The following HPSE2 variants were observed in gnomAD, a reference collection of about 807,000 sequenced individuals.
HPSE2 encodes the protein inactive heparanase-2.
A neutral mutation model predicts 60.5 loss-of-function variants in HPSE2; 38 were observed. The observed-to-expected ratio is 0.63, with a 90% CI of 0.48 to 0.82. HPSE2 has a LOEUF of 0.82. HPSE2 is among the 40% of genes least tolerant of loss of function. HPSE2 has a pLI of 0.00. For synonymous variants in HPSE2, 295 were observed against 293.2 expected (o/e 1.01, Z -0.06); for missense variants, 713 against 740.4 (o/e 0.96, Z 0.43).
intron 3 of HPSE2, among the ~76,000 whole-genome samples, chr10:99,070,242 A>C (rs1842742817): frequency 6.6e-6 from 1 of 152,232 alleles, no homozygotes. Flanking sequence ...TTGGATCTAC[A>C]ATATGAAGAA....
rs530037883 is a variant in HPSE2 at position 98,642,352 on chromosome 10, T to C, written c.1005-412A>G. Reference sequence around the variant, plus strand: ...AGAGGTTTGAAAGAATACTCAATCATTTTAATAAATTTTTCCATATCTTTA... The same window carrying C: ...AGAGGTTTGAAAGAATACTCAATCACTTTAATAAATTTTTCCATATCTTTA... On this transcript the variant is annotated intron_variant, in intron 6 of 11. Transcript: ENST00000370552. Among the ~76,000 whole-genome samples, 4 of 152,308 alleles carry C rather than the reference T, an allele frequency of 2.6e-5. No individual in the cohort carries two copies. The South Asian group carries it at 8.3e-4, about 32-fold the overall frequency.
chr10:98,906,936 A>G (rs891758005), intron 3 of HPSE2, among the ~76,000 whole-genome samples: 1 of 152,102 alleles, frequency 6.6e-6, no homozygotes, highest in African/African-American at 2.4e-5. Flanking sequence ...TAGTAGACCA[A>G]CTTAGTAATG....
At position 98,929,509 on chromosome 10, in the gene HPSE2, A is replaced by C. The variant is rs543859463; in HGVS notation, c.611-185453T>G. On this transcript the variant is annotated intron_variant, in intron 3 of 11. Coordinates refer to ENST00000370552, the MANE Select transcript of HPSE2 (RefSeq NM_021828.5). The stretch of plus-strand genomic sequence containing the variant: ...AGCTATCTTCATATTGAACAACGAG[A>C]AGATAAGCCCAGTTTTGTAAAGAAG... 4.4e-4 allele frequency among the ~76,000 whole-genome samples: 63 copies of C among 144,134 alleles called. 6 individuals carry two copies. The highest frequency in any genetic ancestry group is 7.4e-4 in the Non-Finnish European group (50 of 67,216). The allele number at this position is 144,134 out of a possible 152,430, so 94.6% of individuals were successfully genotyped here.
intron 3 of HPSE2, among the ~76,000 whole-genome samples, chr10:99,115,476 G>T (rs966386450): frequency 8.0e-5 from 12 of 150,020 alleles, no homozygotes; most frequent in Middle Eastern, 3.4e-3. Flanking sequence ...TTTATTTTTT[G>T]TAGAGACAGG....
chr10:99,083,809 A>G (rs971055316), intron 3 of HPSE2, among the ~76,000 whole-genome samples: 1 of 152,126 alleles, frequency 6.6e-6, no homozygotes, highest in Admixed American at 6.5e-5. Context: ...TTTGGTGCCA[A>G]TAACAGAAAA....
chr10:99,154,019 A>G (rs1429014487), intron 2 of HPSE2, among the ~76,000 whole-genome samples: 2 of 152,134 alleles, frequency 1.3e-5, no homozygotes, highest in African/African-American at 2.4e-5. Flanking sequence ...AAGATGAAAT[A>G]AATGAAATGA....
chr10:98,736,406 T>C (rs908424546), intron 4 of HPSE2, among the ~76,000 whole-genome samples: 1 of 152,136 alleles, frequency 6.6e-6, no homozygotes, highest in African/African-American at 2.4e-5. Flanking sequence ...GTCCCACAAA[T>C]GTTTTCTGTA....
Position 99,214,845 on chromosome 10 carries a change from C to T in HPSE2, c.448+17503G>A, listed in dbSNP as rs951029059. 5.1e-4 allele frequency among the ~76,000 whole-genome samples: 77 copies of T among 152,092 alleles called. 5 individuals carry two copies. Among genetic ancestry groups the T allele is most frequent in the Non-Finnish European group, 1.5e-5 (1 of 68,022 alleles). ...AAAAAACATATGATAAAAAGTTCAA[C>T]ATCACTGATCATTAGAGAAATGCAA... On this transcript the variant is annotated intron_variant, in intron 2 of 11. Transcript: ENST00000370552.
At chr10:98,798,867 A>G (rs575323025) in intron 3 of HPSE2, among the ~76,000 whole-genome samples, 2 of 152,316 alleles carry the variant, frequency 1.3e-5, no homozygotes, top group South Asian at 4.1e-4. Context: ...AAAAATGGCA[A>G]GAGTAAGTCT....
chr10:99,152,638 T>G (rs1235119884), intron 2 of HPSE2, among the ~76,000 whole-genome samples: 2 of 152,244 alleles, frequency 1.3e-5, no homozygotes, highest in African/African-American at 4.8e-5. Context: ...AAAGTTGTTG[T>G]AATTTATAAA....
chr10:98,603,926 G>T (rs1359395260), intron 9 of HPSE2, among the ~76,000 whole-genome samples: 1 of 152,112 alleles, frequency 6.6e-6, no homozygotes, highest in Non-Finnish European at 1.5e-5. Flanking sequence ...AAAGAGGGAA[G>T]AAAAATACTG....
the HPSE2 span, among the ~76,000 whole-genome samples, chr10:99,312,950 G>A: frequency 6.6e-6 from 1 of 152,162 alleles, no homozygotes. Context: ...CCTTGGTGCT[G>A]TTCTCATGAT....
chr10:98,777,160 C>T (rs375553824), intron 3 of HPSE2, among the ~76,000 whole-genome samples: 1 of 152,002 alleles, frequency 6.6e-6, no homozygotes, highest in Non-Finnish European at 1.5e-5. Flanking sequence ...CTTGAAGTTC[C>T]GGGAGATTAA....
chr10:98,887,986 T>C (rs1953216764), intron 3 of HPSE2, among the ~76,000 whole-genome samples: 1 of 151,820 alleles, frequency 6.6e-6, no homozygotes, highest in Admixed American at 6.6e-5. Flanking sequence ...CTACTATTAA[T>C]ATTTGATAGC....
intron 4 of HPSE2, among the ~76,000 whole-genome samples, chr10:98,731,038 A>G (rs1391652830): frequency 6.6e-6 from 1 of 152,154 alleles, no homozygotes; most frequent in South Asian, 2.1e-4. Flanking sequence ...TAATCCCAAC[A>G]CTTTGGGAGG....
the HPSE2 span, among the ~76,000 whole-genome samples, chr10:99,254,870 T>C: frequency 6.6e-6 from 1 of 152,078 alleles, no homozygotes; most frequent in Non-Finnish European, 1.5e-5. Context: ...CAGGCAAACA[T>C]ATAGAAACAA....
intron 3 of HPSE2, among the ~76,000 whole-genome samples, chr10:98,975,902 A>G (rs995819805): frequency 1.3e-5 from 2 of 152,186 alleles, no homozygotes; most frequent in Non-Finnish European, 2.9e-5. Context: ...CTTATAATTA[A>G]TTCATTTTAG....
chr10:98,992,332 A>G (rs533866890), intron 3 of HPSE2, among the ~76,000 whole-genome samples: 1 of 152,288 alleles, frequency 6.6e-6, no homozygotes, highest in African/African-American at 2.4e-5. Context: ...GGTTTTTAAT[A>G]GAATTTCTTA....
intron 7 of HPSE2, among the ~76,000 whole-genome samples, chr10:98,628,801 T>C (rs1946284414): frequency 6.6e-6 from 1 of 151,936 alleles, no homozygotes; most frequent in South Asian, 2.1e-4. Context: ...GAGTACTGTT[T>C]CATGTGGACA....
Sources: allele counts gnomAD v4.1 joint callset (sites outside exome capture counted in the v4.1 genomes callset), GRCh38; gene constraint gnomAD v4.1.1; transcripts MANE v1.5; gene names NCBI Gene and HGNC (gene_info 2026-07-23, HGNC 2026-07-21).